WNT8B: variants seen among roughly 807,000 people sequenced by gnomAD.
WNT8B encodes the protein protein Wnt-8b.
WNT8B carries 24 observed loss-of-function variants against 36.6 expected under a neutral mutation model. That is an observed-to-expected ratio of 0.66 (90% confidence interval 0.48 to 0.92). The LOEUF is 0.92. Ranked by LOEUF, WNT8B falls within the 40% of genes least tolerant of loss-of-function variation. WNT8B has a pLI of 0.00. For synonymous variants in WNT8B, 199 were observed against 189.8 expected (o/e 1.05, Z -0.40); for missense variants, 402 against 470.8 (o/e 0.85, Z 1.35).
At chr10:100,465,727 G>T (rs537619693) in intron 1 of WNT8B, among the ~76,000 whole-genome samples, 1 of 152,300 alleles carries the variant, frequency 6.6e-6, no homozygotes, top group South Asian at 2.1e-4. Flanking sequence ...AGTAGGGCAA[G>T]AATTTACCTA....
rs1183285565 is a variant in WNT8B, at chr10:100,482,747, C to T, written c.987C>T (p.Thr329=). The part of the protein sequence containing the change: ...VRCEQCRRRV[T]KYFCSRAERP... ...GCGAGCAGTGCCGCCGGAGGGTCAC[C>T]AAGTACTTCTGTAGCCGCGCAGAGC... Residue 329 remains threonine (T), a synonymous_variant, in exon 6 of 6, where the codon ACC becomes ACT. Transcript: ENST00000343737. This position sits in a 1 kb window ranked among gnomAD's most constrained non-coding sequence, Gnocchi z 6.6. 6 of 1,603,388 alleles carry T rather than the reference C, an allele frequency of 3.7e-6. No homozygotes were observed. In the East Asian group the frequency reaches 9.0e-5, roughly 24 times the overall value.
intron 1 of WNT8B, among the ~76,000 whole-genome samples, chr10:100,472,332 T>G (rs1419141646): frequency 6.6e-6 from 1 of 151,710 alleles, no homozygotes; most frequent in Non-Finnish European, 1.5e-5. Flanking sequence ...TCTCCTGACC[T>G]CATGATCCGC....
rs186718895 is a variant in WNT8B at position 100,475,362 on chromosome 10, C to T, written c.69-3690C>T. 4.2e-3 allele frequency among the ~76,000 whole-genome samples: 641 copies of T among 152,186 alleles called. 2 individuals are homozygous for T. Among genetic ancestry groups the T allele is most frequent in the African/African-American group, 0.014 (589 of 41,524 alleles). On this transcript the variant is annotated intron_variant, in intron 1 of 5. Transcript: ENST00000343737. The stretch of plus-strand genomic sequence containing the variant: ...TGAGACTCTGTCTCCAAAAACAAAA[C>T]AAAACAAACAACAAAAAAAACAAAA...
chr10:100,479,140 TA>T, intron 2 of WNT8B, 55 bp downstream of exon 2: 1 of 1,483,130 alleles, frequency 6.7e-7, no homozygotes, highest in Non-Finnish European at 9.2e-7. Context: ...GCCTGTTGAC[TA>T]AAGATGATAA....
At chr10:100,471,902 A>G (rs1237285979) in intron 1 of WNT8B, among the ~76,000 whole-genome samples, 2 of 152,206 alleles carry the variant, frequency 1.3e-5, no homozygotes, top group East Asian at 3.9e-4. Context: ...AAAAAATACA[A>G]AATAAAAATA....
Position 100,482,177 on chromosome 10 carries a change from A to T in WNT8B, c.511-94A>T. 1.3e-6 allele frequency: 2 copies of T among 1,544,744 alleles called. No individual in the cohort carries two copies. Among genetic ancestry groups the T allele is most frequent in the Non-Finnish European group, 1.7e-6 (2 of 1,147,902 alleles). ...AATGAGGTACCAAGTGGGCTGGCCCAGTAGACTAACTAGACTTCTCGCAAC... is the reference window on the plus strand; with the variant it reads ...AATGAGGTACCAAGTGGGCTGGCCCTGTAGACTAACTAGACTTCTCGCAAC... On this transcript the variant is annotated intron_variant, in intron 5 of 5. Coordinates refer to ENST00000343737, the MANE Select transcript of WNT8B (RefSeq NM_003393.4). The surrounding 1 kb of genome is among the most constrained non-coding windows in gnomAD (Gnocchi z 6.6).
chr10:100,479,404 C>T (rs796128890), intron 2 of WNT8B, among the ~76,000 whole-genome samples: 20 of 152,240 alleles, frequency 1.3e-4, no homozygotes, highest in African/African-American at 4.3e-4. Context: ...ATGCAGTTTC[C>T]CATGTTTAAA....
At position 100,482,447 on chromosome 10, in the gene WNT8B, C is replaced by A. The variant is rs759151206; in HGVS notation, c.687C>A (p.Ala229=). The change falls in exon 6 of 6, where the codon GCC becomes GCA. Residue 229 remains alanine, a synonymous_variant. Transcript: ENST00000343737. This position sits in a 1 kb window ranked among gnomAD's most constrained non-coding sequence, Gnocchi z 6.6. ...TGCAGGGTGCTGGCAACAGCGCGGC[C>A]GGCCGCGGCGCCATCGCCGACACCT... The part of the protein sequence containing the change: ...DLLQGAGNSA[A]GRGAIADTFR... 6.2e-7 allele frequency: 1 copy of A among 1,605,222 alleles called. No homozygotes were observed. Among genetic ancestry groups the A allele is most frequent in the Non-Finnish European group, 8.5e-7 (1 of 1,179,846 alleles).
chr10:100,467,582 G>C (rs1850920605), intron 1 of WNT8B, among the ~76,000 whole-genome samples: 1 of 152,082 alleles, frequency 6.6e-6, no homozygotes, highest in Non-Finnish European at 1.5e-5. Flanking sequence ...AGGTTCTTTA[G>C]GTTTATCGTA....
intron 1 of WNT8B, among the ~76,000 whole-genome samples, chr10:100,469,690 T>A: frequency 6.6e-6 from 1 of 152,266 alleles, no homozygotes; most frequent in Non-Finnish European, 1.5e-5. Flanking sequence ...AGACCTACTT[T>A]CTGTGTAACT....
intron 3 of WNT8B, 120 bp from the exon 4 acceptor site, chr10:100,480,878 G>A: frequency 8.7e-7 from 1 of 1,144,760 alleles, no homozygotes; most frequent in Non-Finnish European, 1.2e-6. Context: ...TAAAGATGGG[G>A]AAATAGGATG....
Position 100,479,037 on chromosome 10 carries a change from T to A in WNT8B, c.69-15T>A, listed in dbSNP as rs983500985. On this transcript the variant is annotated splice_polypyrimidine_tract_variant and intron_variant, in intron 1 of 5. Coordinates refer to ENST00000343737, the MANE Select transcript of WNT8B (RefSeq NM_003393.4). Reference sequence around the variant, plus strand: ...CTGCATTATATTCTGTTTTTGTTTTTTTTTTCCCTTATAGGTCGGTGAACA... The same window carrying A: ...CTGCATTATATTCTGTTTTTGTTTTATTTTTCCCTTATAGGTCGGTGAACA... 1 of 1,589,192 alleles carries A rather than the reference T, an allele frequency of 6.3e-7. No homozygotes were observed. The highest frequency in any genetic ancestry group is 8.5e-7 in the Non-Finnish European group (1 of 1,174,512).
chr10:100,477,942 A>G (rs867198869), intron 1 of WNT8B, among the ~76,000 whole-genome samples: 44 of 126,682 alleles, frequency 3.5e-4, no homozygotes, highest in African/African-American at 1.2e-3. Flanking sequence ...ATGCCTAGCT[A>G]TTTTTTTTTT....
Position 100,482,867 on chromosome 10 carries a change from G to C in WNT8B, c.*51G>C. Reference sequence around the variant, plus strand: ...CCACTGGTTCTTGGCTTCCTTTAGAGACCCCGGTAATTGTGGAACCTAGGG... The same window carrying C: ...CCACTGGTTCTTGGCTTCCTTTAGACACCCCGGTAATTGTGGAACCTAGGG... On this transcript the variant is annotated 3_prime_UTR_variant, in exon 6 of 6. Transcript: ENST00000343737. The surrounding 1 kb of genome is among the most constrained non-coding windows in gnomAD (Gnocchi z 6.6). 6.9e-7 allele frequency: 1 copy of C among 1,441,284 alleles called. No homozygotes were observed. Among genetic ancestry groups the C allele is most frequent in the Non-Finnish European group, 9.1e-7 (1 of 1,094,256 alleles). 89.3% of individuals were successfully genotyped at this position (1,441,284 alleles called of 1,614,324 possible).
rs929113671 is a variant in WNT8B at position 100,463,101 on chromosome 10, A to C, written c.-68A>C. ...CCATCCCACTGGCACTGAGGAGAAT[A>C]TTTCTCCGTCTTGCTTACCCATCTC... is the stretch of plus-strand genomic sequence containing the variant. On this transcript the variant is annotated 5_prime_UTR_variant, in exon 1 of 6. Coordinates refer to ENST00000343737, the MANE Select transcript of WNT8B (RefSeq NM_003393.4). The C allele has an allele frequency of 9.7e-6, 14 of 1,436,846 alleles. No individual in the cohort carries two copies. In the African/African-American group the frequency reaches 2.0e-4, roughly 20 times the overall value. The allele number at this position is 1,436,846 out of a possible 1,614,324, so 89.0% of individuals were successfully genotyped here. A position where few individuals can be genotyped will look rare whatever the true frequency, so the allele number is the denominator to read the frequency against.
chr10:100,472,110 C>CT (rs201400434), intron 1 of WNT8B, among the ~76,000 whole-genome samples: 62 of 146,262 alleles, frequency 4.2e-4, no homozygotes, highest in Middle Eastern at 7.0e-3. Context: ...GGGAAGATTT[C>CT]TTTTTCTTTT....
At chr10:100,475,482 G>A (rs1482269689) in intron 1 of WNT8B, among the ~76,000 whole-genome samples, 1 of 152,180 alleles carries the variant, frequency 6.6e-6, no homozygotes, top group Non-Finnish European at 1.5e-5. Context: ...GATCAGTTGG[G>A]CTTGACCTGG....
rs538082313 is a variant in WNT8B, at chr10:100,483,332, C to G, written c.*516C>G. ...TGCTTTCTCTCCTCTTCTCCCTTTC[C>G]TTTCCCAGAAAAACTGAGGAAACTG... is the stretch of plus-strand genomic sequence containing the variant. On this transcript the variant is annotated 3_prime_UTR_variant, in exon 6 of 6. Coordinates refer to ENST00000343737, the MANE Select transcript of WNT8B (RefSeq NM_003393.4). 3.7e-3 allele frequency: 565 copies of G among 152,932 alleles called. 9 individuals are homozygous for G. The highest frequency in any genetic ancestry group is 0.013 in the African/African-American group (541 of 41,598). 9.5% of individuals were successfully genotyped at this position (152,932 alleles called of 1,614,324 possible).
intron 3 of WNT8B, among the ~76,000 whole-genome samples, chr10:100,480,315 A>G (rs1851094233): frequency 6.6e-6 from 1 of 152,210 alleles, no homozygotes; most frequent in African/African-American, 2.4e-5. Context: ...ATCAGGAGGT[A>G]GGCAGGGGTC....
Sources: gnomAD v4.1 joint callset for allele counts (sites outside exome capture counted in the v4.1 genomes callset) on GRCh38, gnomAD v4.1.1 for gene constraint, Gnocchi (gnomAD v3.1) non-coding constraint, MANE v1.5 for transcripts, NCBI Gene and HGNC (gene_info 2026-07-23, HGNC 2026-07-21) for gene names.